SRA1: variants seen among roughly 807,000 people sequenced by gnomAD.
The protein encoded by SRA1 is steroid receptor RNA activator 1.
A neutral mutation model predicts 24.3 loss-of-function variants in SRA1; 25 were observed. The observed-to-expected ratio is 1.03, with a 90% CI of 0.75 to 1.43. The LOEUF (loss-of-function observed/expected upper bound fraction) is 1.43. SRA1 is among the 40% of genes most tolerant of loss of function. SRA1 has a pLI of 0.00. For missense variants in SRA1, 303 were observed against 286.6 expected, an observed-to-expected ratio of 1.06 and a Z score of -0.41; for synonymous variants, 104 against 109.5, an observed-to-expected ratio of 0.95 and a Z score of 0.31.
At position 140,550,599 on chromosome 5, in the gene SRA1, G is replaced by A. The variant is rs1754518154; in HGVS notation, c.*101C>T. The A allele has an allele frequency of 4.3e-6, 5 of 1,162,776 alleles. No individual in the cohort carries two copies. The highest frequency in any genetic ancestry group is 1.5e-5 in the African/African-American group (1 of 65,588). The allele number at this position is 1,162,776 out of a possible 1,614,324, so 72.0% of individuals were successfully genotyped here. A position where few individuals can be genotyped will look rare whatever the true frequency, so the allele number is the denominator to read the frequency against. ...GACTTCTTCCCTCATAGGTGGGTCA[G>A]GCCCAGTGGGACAGTCTTGGTGGTG... On this transcript the variant is annotated 3_prime_UTR_variant, in exon 5 of 5. Coordinates refer to ENST00000336283, the MANE Select transcript of SRA1 (RefSeq NM_001035235.4).
At chr5:140,552,373 C>G (rs1363496143) in intron 2 of SRA1, among the ~76,000 whole-genome samples, 189 bp from the exon 3 acceptor site, 1 of 152,170 alleles carries the variant, frequency 6.6e-6, no homozygotes, top group Non-Finnish European at 1.5e-5. Flanking sequence ...AACCAGGTGG[C>G]CGGGTGTGAT....
At chr5:140,554,736 C>T (rs1754646139) in intron 2 of SRA1, among the ~76,000 whole-genome samples, 1 of 152,212 alleles carries the variant, frequency 6.6e-6, no homozygotes, top group South Asian at 2.1e-4. Context: ...ATCTCTGCAG[C>T]AGCATTTGAG....
chr5:140,557,484 G>A (rs890835036), upstream of SRA1: 8 of 1,547,180 alleles, frequency 5.2e-6, no homozygotes, highest in Admixed American at 2.0e-5. Context: ...GGGGCAGCGC[G>A]TCATTTCCGG....
intron 2 of SRA1, among the ~76,000 whole-genome samples, chr5:140,556,684 T>C (rs948626885): frequency 1.3e-5 from 2 of 152,026 alleles, no homozygotes; most frequent in Non-Finnish European, 2.9e-5. Context: ...TTTTTTTTTT[T>C]TCTCACTGCT....
At chr5:140,557,561 G>C (rs2249213), upstream of SRA1, 1 of 1,323,986 alleles carries the variant, frequency 7.6e-7, no homozygotes, top group African/African-American at 1.5e-5. Flanking sequence ...ATCCGTGGAG[G>C]ATGGATGCTG....
intron 2 of SRA1, among the ~76,000 whole-genome samples, chr5:140,554,684 C>G (rs971354125): frequency 6.6e-6 from 1 of 152,164 alleles, no homozygotes; most frequent in Admixed American, 6.5e-5. Flanking sequence ...TCAAAACACT[C>G]CCTTACTTCA....
At chr5:140,557,698 T>C (rs1002166066), upstream of SRA1, 5 of 580,444 alleles carry the variant, frequency 8.6e-6, no homozygotes, top group African/African-American at 3.8e-5. Context: ...CAGGAGCCAG[T>C]GCTCTAGGAG....
chr5:140,554,042 C>G (rs1754629580), intron 2 of SRA1, among the ~76,000 whole-genome samples: 1 of 152,162 alleles, frequency 6.6e-6, no homozygotes, highest in Non-Finnish European at 1.5e-5. Context: ...CTCCAGTGAT[C>G]ATTTTTTCCC....
upstream of SRA1, chr5:140,557,585 G>T: frequency 9.0e-7 from 1 of 1,105,944 alleles, no homozygotes; most frequent in Non-Finnish European, 1.3e-6. Flanking sequence ...CACAACCGTC[G>T]GGAGCCGCTG....
rs922767525 is a variant in SRA1, at chr5:140,552,614, T to C, written c.152-430A>G. On this transcript the variant is annotated intron_variant, in intron 2 of 4. Transcript: ENST00000336283. ...GTTGTGGTGAGCTGAGATGGTGCCA[T>C]TGCACTCCAGCCTGGGCAACAAGAG... Among the ~76,000 whole-genome samples the C allele has an allele frequency of 1.9e-4, 28 of 151,116 alleles. 1 individual carries two copies. Among genetic ancestry groups the C allele is most frequent in the Admixed American group, 1.6e-3 (24 of 15,200 alleles).
Position 140,552,415 on chromosome 5 carries a change from G to A in SRA1, c.152-231C>T, listed in dbSNP as rs189734473. On this transcript the variant is annotated intron_variant, in intron 2 of 4. Transcript: ENST00000336283. ...CACCTGTAATCCCAGCACTTTGGGA[G>A]GCTGAGGCAGACAGATCACCTGAGG... Among the ~76,000 whole-genome samples, 450 of 152,328 alleles carry A rather than the reference G, an allele frequency of 3.0e-3. 1 individual carries two copies. Among genetic ancestry groups the A allele is most frequent in the Admixed American group, 6.4e-3 (98 of 15,312 alleles).
rs1246889000 is a variant in SRA1, at chr5:140,550,241, GAA to G, written c.*457_*458del. The G allele has an allele frequency of 2.1e-5, 4 of 190,494 alleles. No homozygotes were observed. Among genetic ancestry groups the G allele is most frequent in the East Asian group, 1.3e-4 (1 of 7,488 alleles). 11.8% of individuals were successfully genotyped at this position (190,494 alleles called of 1,614,324 possible). Reference sequence around the variant, plus strand: ...AGGACTGTCTTTCCTTTTGTTGAGGGAAAAGTCTCCCCGTTCTATTTGAGTCT... The same window carrying G: ...AGGACTGTCTTTCCTTTTGTTGAGGGAAGTCTCCCCGTTCTATTTGAGTCT... On this transcript the variant is annotated 3_prime_UTR_variant, in exon 5 of 5. Coordinates refer to ENST00000336283, the MANE Select transcript of SRA1 (RefSeq NM_001035235.4).
chr5:140,551,881 A>G, intron 3 of SRA1, 101 bp downstream of exon 3: 1 of 1,061,078 alleles, frequency 9.4e-7, no homozygotes, highest in Non-Finnish European at 1.4e-6. Flanking sequence ...TCAAAGGATT[A>G]AGAACCTGTC....
rs1754587119 is a variant in SRA1, at chr5:140,552,286, T to C, written c.152-102A>G. 3.4e-6 allele frequency: 3 copies of C among 887,312 alleles called. No individual in the cohort carries two copies. The South Asian group carries it at 5.4e-5, about 16-fold the overall frequency. 55.0% of individuals were successfully genotyped at this position (887,312 alleles called of 1,614,324 possible). Reference sequence around the variant, plus strand: ...AAGGGCTACTCTCTGAGACAACTTATTCATTCAAAAATATGCATTTATGAA... The same window carrying C: ...AAGGGCTACTCTCTGAGACAACTTACTCATTCAAAAATATGCATTTATGAA... On this transcript the variant is annotated intron_variant, in intron 2 of 4. Coordinates refer to ENST00000336283, the MANE Select transcript of SRA1 (RefSeq NM_001035235.4).
In SRA1 at chr5:140,550,654, T is replaced by G; in HGVS notation, c.*46A>C. 6.3e-7 allele frequency: 1 copy of G among 1,587,622 alleles called. No individual in the cohort carries two copies. Among genetic ancestry groups the G allele is most frequent in the Middle Eastern group, 1.7e-4 (1 of 5,984 alleles). ...GAAGGGAGCCAAGTGACAGAAGGTC[T>G]CCAAGGCATAGGAGATGGTGTCCGG... On this transcript the variant is annotated 3_prime_UTR_variant, in exon 5 of 5. Coordinates refer to ENST00000336283, the MANE Select transcript of SRA1 (RefSeq NM_001035235.4).
intron 2 of SRA1, among the ~76,000 whole-genome samples, chr5:140,555,117 T>C (rs916057800): frequency 8.6e-5 from 13 of 151,984 alleles, no homozygotes; most frequent in African/African-American, 3.1e-4. Flanking sequence ...GACCTCGTGA[T>C]CCACCCGCCT....
In SRA1 at chr5:140,557,265, C is replaced by T. The variant is rs1225951592; in HGVS notation, c.33G>A (p.Lys11=). 2 of 1,611,790 alleles carry T rather than the reference C, an allele frequency of 1.2e-6. No individual in the cohort carries two copies. Among genetic ancestry groups the T allele is most frequent in the African/African-American group, 2.7e-5 (2 of 75,034 alleles). The change falls in exon 2 of 5, where the codon AAG becomes AAA. Residue 11 remains lysine, a synonymous_variant. Transcript: ENST00000336283. ...GCGGCGGGTCGTTCCAGCCGCGTTC[C>T]TTGTTGCCTGCGGAGGCGAGGGATG... is the stretch of plus-strand genomic sequence containing the variant. MAELYVKPGN[K]ERGWNDPPQF... is the part of the protein sequence containing the mutation.
chr5:140,555,509 A>G (rs2127120669), intron 2 of SRA1, among the ~76,000 whole-genome samples: 2 of 152,302 alleles, frequency 1.3e-5, no homozygotes, highest in South Asian at 4.1e-4. Flanking sequence ...CTGGGATTAC[A>G]GCCGTGACTC....
intron 3 of SRA1, 176 bp downstream of exon 3, chr5:140,551,806 C>T (rs371351001): frequency 1.8e-6 from 1 of 560,414 alleles, no homozygotes; most frequent in East Asian, 3.1e-5. Flanking sequence ...CTTATTAATG[C>T]TCCTGAAATC....
Sources: gnomAD v4.1 joint callset for allele counts (sites outside exome capture counted in the v4.1 genomes callset) on GRCh38, gnomAD v4.1.1 for gene constraint, MANE v1.5 for transcripts, NCBI Gene and HGNC (gene_info 2026-07-23, HGNC 2026-07-21) for gene names.